Variants in PIEZO1 observed in about 807,000 individuals in gnomAD.
The protein encoded by PIEZO1 is piezo-type mechanosensitive ion channel component 1.
Under a neutral mutation model 297.2 loss-of-function variants are expected in PIEZO1, and 296 were observed. That is an observed-to-expected ratio of 1.00 (90% confidence interval 0.91 to 1.10). The LOEUF is 1.10. PIEZO1 is among the 50% of genes least tolerant of loss of function. The probability of loss-of-function intolerance (pLI) is 0.00; values close to 1 mark genes in which losing one functional copy is unlikely to be tolerated. For missense variants in PIEZO1, 5,018 were observed against 3,455.5 expected (o/e 1.45, Z -11.34); for synonymous variants, 2,427 against 1,507.5 (o/e 1.61, Z -14.13).
At chr16:88,761,796 G>A (rs560798825) in intron 1 of PIEZO1, among the ~76,000 whole-genome samples, 110 of 140,188 alleles carry the variant, frequency 7.8e-4, no homozygotes, top group South Asian at 3.6e-3. Context: ...CCCCACAGAC[G>A]ACCAGCAGCG....
chr16:88,783,328 G>A (rs146372798), intron 1 of PIEZO1, among the ~76,000 whole-genome samples: 106 of 152,356 alleles, frequency 7.0e-4, no homozygotes, highest in African/African-American at 2.5e-3. Context: ...ACATTTAATG[G>A]CTGGAAAAAT....
rs587776990 is a variant in PIEZO1 at position 88,725,505 on chromosome 16, C to T, written c.4073G>A (p.Arg1358His). ...CTGCCTGTGCTTCTCCTGCTTGGCA[C>T]GGATACGCTCCATCCTGTGGTGGGG... ...AQLKRQMERIRAKQEKHRQGR... is the reference protein window; with the variant it reads ...AQLKRQMERIHAKQEKHRQGR... Residue 1358 changes from arginine to histidine, a missense_variant, in exon 29 of 51, where the codon CGT (arginine) becomes CAT (histidine). By Grantham distance (29) the Arg-to-His change is conservative. Coordinates refer to ENST00000301015, the MANE Select transcript of PIEZO1 (RefSeq NM_001142864.4). The T allele has an allele frequency of 8.5e-6, 13 of 1,529,108 alleles. No homozygotes were observed. The South Asian group carries it at 8.6e-5, about 10-fold the overall frequency. The allele number at this position is 1,529,108 out of a possible 1,614,324, so 94.7% of individuals were successfully genotyped here. A position where few individuals can be genotyped will look rare whatever the true frequency, so the allele number is the denominator to read the frequency against.
chr16:88,726,528 C>T lies in PIEZO1; in HGVS notation c.3796+19G>A, dbSNP rs751074667. The T allele has an allele frequency of 6.4e-5, 99 of 1,547,340 alleles. 1 individual carries two copies. In the South Asian group the frequency reaches 1.2e-3, roughly 18 times the overall value. On this transcript the variant is annotated intron_variant, in intron 26 of 50. Coordinates refer to ENST00000301015, the MANE Select transcript of PIEZO1 (RefSeq NM_001142864.4). Reference sequence around the variant, plus strand: ...GGGGCTTCCCCACGCCCTCCCCCGCCACCGTCCTGGCCACTCACGGTCATA... The same window carrying T: ...GGGGCTTCCCCACGCCCTCCCCCGCTACCGTCCTGGCCACTCACGGTCATA...
intron 31 of PIEZO1, 66 bp downstream of exon 31, chr16:88,723,805 G>T: frequency 1.1e-6 from 1 of 870,578 alleles, no homozygotes; most frequent in Non-Finnish European, 1.9e-6. Flanking sequence ...CACCCTCTAT[G>T]CTGCCCTGGT....
At chr16:88,722,461 G>A in intron 35 of PIEZO1, 64 bp from the exon 36 acceptor site, 1 of 1,454,106 alleles carries the variant, frequency 6.9e-7, no homozygotes, top group Non-Finnish European at 9.1e-7. Flanking sequence ...CTACAGGGAG[G>A]GTCAGGGTGG....
intron 22 of PIEZO1, among the ~76,000 whole-genome samples, chr16:88,728,109 C>T (rs1450011527): frequency 1.3e-5 from 2 of 152,260 alleles, no homozygotes; most frequent in African/African-American, 2.4e-5. Flanking sequence ...CCTAGACAGA[C>T]CTCAGTGTGC....
intron 1 of PIEZO1, among the ~76,000 whole-genome samples, chr16:88,779,036 CTTT>C (rs34383297): frequency 8.9e-5 from 12 of 135,132 alleles, no homozygotes; most frequent in East Asian, 2.2e-4. Flanking sequence ...TACGACTTCA[CTTT>C]TTTTTTTTTT....
In PIEZO1 at chr16:88,726,973, C is replaced by T. The variant is rs1292084368; in HGVS notation, c.3456-15G>A. 1.4e-5 allele frequency: 21 copies of T among 1,549,784 alleles called. No homozygotes were observed. Among genetic ancestry groups the T allele is most frequent in the Admixed American group, 5.9e-5 (3 of 50,980 alleles). Reference sequence around the variant, plus strand: ...CAAGGTAGGACCTGCCAGGCCGGAGCGTCAGGGCGGGCGCCCCGGCCACCC... The same window carrying T: ...CAAGGTAGGACCTGCCAGGCCGGAGTGTCAGGGCGGGCGCCCCGGCCACCC... On this transcript the variant is annotated splice_polypyrimidine_tract_variant and intron_variant, in intron 24 of 50. Transcript: ENST00000301015.
chr16:88,777,549 A>C (rs535639066), intron 1 of PIEZO1, among the ~76,000 whole-genome samples: 21 of 152,304 alleles, frequency 1.4e-4, no homozygotes, highest in Non-Finnish European at 2.6e-4. Context: ...GCAGACAGGA[A>C]AGGAAAAGTA....
In PIEZO1 at chr16:88,734,408, C is replaced by G. The variant is rs747544978; in HGVS notation, c.2128G>C (p.Asp710His). 215 of 1,549,300 alleles carry G rather than the reference C, an allele frequency of 1.4e-4. No individual in the cohort carries two copies. The highest frequency in any genetic ancestry group is 1.7e-4 in the Non-Finnish European group (190 of 1,146,442). ...CCAGGCAGGGACACGTGCTCCATGT[C>G]GGTGAGCTGCATGAAGGGCCTGTGG... ...YFHRPFMQLT[D>H]MEHVSLPGTR... Residue 710 changes from aspartate to histidine, a missense_variant, in exon 16 of 51, where the codon GAC (aspartate) becomes CAC (histidine). Physicochemically the swap from Asp to His is moderately conservative, Grantham distance 81 (BLOSUM62 -1). Transcript: ENST00000301015.
intron 30 of PIEZO1, among the ~76,000 whole-genome samples, chr16:88,724,320 C>CA (rs1429672721): frequency 1.3e-5 from 2 of 152,188 alleles, no homozygotes; most frequent in Non-Finnish European, 2.9e-5. Flanking sequence ...CACCTGAAGT[C>CA]AGAGGTTCGA....
chr16:88,759,171 A>C (rs1253642510), intron 1 of PIEZO1, among the ~76,000 whole-genome samples: 1 of 152,244 alleles, frequency 6.6e-6, no homozygotes, highest in Non-Finnish European at 1.5e-5. Context: ...CCTTCCTCTC[A>C]TCAAAGGAAA....
At chr16:88,762,672 C>A (rs971614248) in intron 1 of PIEZO1, among the ~76,000 whole-genome samples, 7 of 152,248 alleles carry the variant, frequency 4.6e-5, no homozygotes, top group Non-Finnish European at 8.8e-5. Flanking sequence ...GCTGTGTCGG[C>A]CCTGACCCTG....
At position 88,716,605 on chromosome 16, in the gene PIEZO1, T is replaced by C. The variant is rs1462944958; in HGVS notation, c.6880A>G (p.Asn2294Asp). ...CGCAGGGTGATGTCGGCCGTGCCGTTGTAGAGCTCCCGCTTCATCTGGGCA... is the reference window on the plus strand; with the variant it reads ...CGCAGGGTGATGTCGGCCGTGCCGTCGTAGAGCTCCCGCTTCATCTGGGCA... ...SRAQMKRELY[N>D]GTADITLRFT... The change falls in exon 47 of 51, where the codon AAC (asparagine) becomes GAC (aspartate). Residue 2294 changes from asparagine (N) to aspartate (D), a missense_variant. Physicochemically the swap from Asn to Asp is conservative, Grantham distance 23. Transcript: ENST00000301015. The C allele has an allele frequency of 1.3e-6, 2 of 1,549,800 alleles. No individual in the cohort carries two copies. The highest frequency in any genetic ancestry group is 1.4e-5 in the African/African-American group (1 of 73,158).
rs1388864136 is a variant in PIEZO1 at position 88,741,574 on chromosome 16, G to T, written c.369C>A (p.Ala123=). The T allele has an allele frequency of 6.5e-7, 1 of 1,535,478 alleles. No individual in the cohort carries two copies. Among genetic ancestry groups the T allele is most frequent in the African/African-American group, 1.4e-5 (1 of 72,992 alleles). The change falls in exon 5 of 51, where the codon GCC becomes GCA. Residue 123 remains alanine, a synonymous_variant. Coordinates refer to ENST00000301015, the MANE Select transcript of PIEZO1 (RefSeq NM_001142864.4). ...AGACCACCAAGATGCCCAGGTCAGGGGCCACCAGCCGGATGGCGTTGGGGA... is the reference window on the plus strand; with the variant it reads ...AGACCACCAAGATGCCCAGGTCAGGTGCCACCAGCCGGATGGCGTTGGGGA... The part of the protein sequence containing the change: ...KDIPNAIRLV[A]PDLGILVVSS...
intron 2 of PIEZO1, chr16:88,743,775 C>A: frequency 2.5e-6 from 1 of 400,684 alleles, no homozygotes; most frequent in East Asian, 7.2e-5. Context: ...GCAGCCGAGG[C>A]AGGTTTGGAC....
At chr16:88,757,903 G>C (rs1313464243) in intron 1 of PIEZO1, among the ~76,000 whole-genome samples, 1 of 152,194 alleles carries the variant, frequency 6.6e-6, no homozygotes, top group Non-Finnish European at 1.5e-5. Context: ...AAGGGTCTGG[G>C]CCAGTTATCA....
At chr16:88,720,830 C>T in intron 39 of PIEZO1, 82 bp from the exon 40 acceptor site, 1 of 1,380,896 alleles carries the variant, frequency 7.2e-7, no homozygotes, top group Non-Finnish European at 9.5e-7. Context: ...AAGAGGCTGG[C>T]ATTCTCCCTG....
At chr16:88,724,045 G>C in intron 30 of PIEZO1, 74 bp from the exon 31 acceptor site, 1 of 911,594 alleles carries the variant, frequency 1.1e-6, no homozygotes, top group Non-Finnish European at 1.7e-6. Context: ...CGCCTGCATG[G>C]GCCAAGGCCC....
Sources: allele counts gnomAD v4.1 joint callset (sites outside exome capture counted in the v4.1 genomes callset), GRCh38; gene constraint gnomAD v4.1.1; transcripts MANE v1.5; gene names NCBI Gene and HGNC (gene_info 2026-07-23, HGNC 2026-07-21).